The following AATK variants were observed in gnomAD, a reference collection of about 807,000 sequenced individuals.
AATK encodes lemur tail kinase 1, also known as serine/threonine-protein kinase LMTK1.
AATK carries 91 observed loss-of-function variants against 114.3 expected under a neutral mutation model. The ratio of observed to expected loss-of-function variants is 0.80; its 90% CI spans 0.67 to 0.95. AATK has a LOEUF of 0.95. AATK is among the 40% of genes least tolerant of loss of function. The pLI, the probability that AATK is intolerant of heterozygous loss-of-function variation, is 0.00. For synonymous variants in AATK, 1,075 were observed against 916.5 expected (o/e 1.17, Z -3.12); for missense variants, 2,176 against 1,965.2 (o/e 1.11, Z -2.03).
In AATK at chr17:81,123,347, T is replaced by G; in HGVS notation, c.963-4A>C. ...CCAGATGGTCACGCCCAGGGACCTG[T>G]GGGGCGACAGCCGTGAGCCAGGGCT... On this transcript the variant is annotated splice_region_variant and splice_polypyrimidine_tract_variant and intron_variant, in intron 9 of 13. Transcript: ENST00000326724. The G allele has an allele frequency of 7.3e-7, 1 of 1,363,908 alleles. No homozygotes were observed. Among genetic ancestry groups the G allele is most frequent in the East Asian group, 3.1e-5 (1 of 32,434 alleles). 84.5% of individuals were successfully genotyped at this position (1,363,908 alleles called of 1,614,324 possible).
At chr17:81,156,067 T>C (rs2061357680) in intron 1 of AATK, among the ~76,000 whole-genome samples, 1 of 147,912 alleles carries the variant, frequency 6.8e-6, no homozygotes, top group Non-Finnish European at 1.5e-5. Flanking sequence ...TGTTATAATG[T>C]ATGTTACTAT....
At chr17:81,124,905 G>GGGGCCC in intron 8 of AATK, 25 bp downstream of exon 8, 9 of 1,503,130 alleles carry the variant, frequency 6.0e-6, no homozygotes, top group African/African-American at 1.4e-5. Context: ...CTCATGCCCA[G>GGGGCCC]CCCAGCCCAC....
At chr17:81,130,248 G>A (rs2060908701) in intron 3 of AATK, among the ~76,000 whole-genome samples, 1 of 152,216 alleles carries the variant, frequency 6.6e-6, no homozygotes, top group Non-Finnish European at 1.5e-5. Context: ...AGCTGGGGGT[G>A]GGCAGTGATG....
At position 81,122,760 on chromosome 17, in the gene AATK, G is replaced by C; in HGVS notation, c.1176C>G (p.His392Gln). Residue 392 changes from histidine to glutamine, a missense_variant, in exon 11 of 14, where the codon CAC becomes CAG. Around this residue, in one of 4 missense-constraint regions of AATK, gnomAD observed 273 missense variants for 344.1 expected, o/e 0.79. Transcript: ENST00000326724. ...TGGCACACAGGTAGGACAGCAGCAGGTGCACCTCCTCGGCTGTGGGCCGCT... is the reference window on the plus strand; with the variant it reads ...TGGCACACAGGTAGGACAGCAGCAGCTGCACCTCCTCGGCTGTGGGCCGCT... ...PEQRPTAEEVHLLLSYLCAKG... is the reference protein window; with the variant it reads ...PEQRPTAEEVQLLLSYLCAKG... 1 of 1,598,958 alleles carries C rather than the reference G, an allele frequency of 6.3e-7. No individual in the cohort carries two copies.
intron 1 of AATK, among the ~76,000 whole-genome samples, chr17:81,162,180 C>T (rs1440794999): frequency 2.6e-5 from 4 of 152,084 alleles, no homozygotes; most frequent in African/African-American, 4.8e-5. Flanking sequence ...TGCGTGTGAC[C>T]GCTCCCCAAG....
intron 2 of AATK, chr17:81,132,775 C>T (rs11650662): frequency 0.15 from 32,913 of 225,726 alleles, 2,758 homozygotes; most frequent in Middle Eastern, 0.23. Flanking sequence ...GGGAGCCCAG[C>T]GCAGGTCCCC....
chr17:81,142,027 C>T (rs1161262220), intron 1 of AATK, among the ~76,000 whole-genome samples: 2 of 151,678 alleles, frequency 1.3e-5, no homozygotes, highest in East Asian at 1.9e-4. Context: ...ATGATCTCAG[C>T]TCACTGCAAC....
chr17:81,151,448 T>G (rs2061297927), intron 1 of AATK, among the ~76,000 whole-genome samples: 1 of 152,174 alleles, frequency 6.6e-6, no homozygotes, highest in Non-Finnish European at 1.5e-5. Flanking sequence ...TGCACACACT[T>G]GTGGCTCAGA....
In AATK at chr17:81,126,573, G is replaced by A. The variant is rs1355870221; in HGVS notation, c.622-13C>T. 30 of 1,533,026 alleles carry A rather than the reference G, an allele frequency of 2.0e-5. No individual in the cohort carries two copies. The East Asian group carries it at 7.2e-4, about 37-fold the overall frequency. The allele number at this position is 1,533,026 out of a possible 1,614,324, so 95.0% of individuals were successfully genotyped here. On this transcript the variant is annotated splice_polypyrimidine_tract_variant and intron_variant, in intron 6 of 13. Transcript: ENST00000326724. This position sits in a 1 kb window ranked among gnomAD's most constrained non-coding sequence, Gnocchi z 5.1. ...CCTTGAGGTCCCCCTGCAGAAAGGG[G>A]GTGTGGCGCAGTCACCAGCAGGCTG...
In AATK at chr17:81,119,248, G is replaced by A. The variant is rs1009295130; in HGVS notation, c.4084+132C>T. 635 of 884,402 alleles carry A rather than the reference G, an allele frequency of 7.2e-4. 6 individuals are homozygous for A. The highest frequency in any genetic ancestry group is 2.3e-3 in the South Asian group (114 of 49,814). The allele number at this position is 884,402 out of a possible 1,614,324, so 54.8% of individuals were successfully genotyped here. A position where few individuals can be genotyped will look rare whatever the true frequency, so the allele number is the denominator to read the frequency against. On this transcript the variant is annotated intron_variant, in intron 13 of 13. Coordinates refer to ENST00000326724, the MANE Select transcript of AATK (RefSeq NM_001080395.3). ...TAGGTCTGGGGCCGGGAAGGAGCGGGGCCGGGAAGGAGCGGAGCGGAGCGG... is the reference window on the plus strand; with the variant it reads ...TAGGTCTGGGGCCGGGAAGGAGCGGAGCCGGGAAGGAGCGGAGCGGAGCGG...
rs936477461 is a variant in AATK, at chr17:81,123,420, G to A, written c.963-77C>T. 1.4e-5 allele frequency: 18 copies of A among 1,258,474 alleles called. No homozygotes were observed. In the East Asian group the frequency reaches 1.9e-4, roughly 13 times the overall value. The allele number at this position is 1,258,474 out of a possible 1,614,324, so 78.0% of individuals were successfully genotyped here. On this transcript the variant is annotated intron_variant, in intron 9 of 13. Coordinates refer to ENST00000326724, the MANE Select transcript of AATK (RefSeq NM_001080395.3). ...GACCGCGCAGGATCCCCGGGGCGCC[G>A]AATGGGGCAGCTCCCGCCATCACGC...
intron 1 of AATK, among the ~76,000 whole-genome samples, chr17:81,162,047 C>T (rs1163210985): frequency 6.6e-6 from 1 of 152,180 alleles, no homozygotes; most frequent in African/African-American, 2.4e-5. Flanking sequence ...CTCCCTGACC[C>T]ATGCCTGGGA....
At chr17:81,137,166 G>A (rs1343644647) in intron 1 of AATK, among the ~76,000 whole-genome samples, 1 of 151,868 alleles carries the variant, frequency 6.6e-6, no homozygotes, top group East Asian at 1.9e-4. Context: ...GCTGACACAG[G>A]AGAATTGCTC....
chr17:81,165,871 G>A, intron 1 of AATK, 67 bp downstream of exon 1: 1 of 1,545,014 alleles, frequency 6.5e-7, no homozygotes, highest in Non-Finnish European at 8.7e-7. Flanking sequence ...GAGCCGTGGG[G>A]CCCAGGGGCA....
chr17:81,128,469 C>T lies in AATK; in HGVS notation c.414+1G>A. On this transcript the variant is annotated splice_donor_variant, in intron 4 of 13. Transcript: ENST00000326724. LOFTEE classifies it high-confidence loss of function. ...TCCTCCCTCCCAGGCGGGACACGTA[C>T]CTTCCCGAACCAGCCACGGCCGATT... The T allele has an allele frequency of 6.5e-7, 1 of 1,548,904 alleles. No individual in the cohort carries two copies. Among genetic ancestry groups the T allele is most frequent in the Non-Finnish European group, 8.7e-7 (1 of 1,146,862 alleles).
At chr17:81,162,185 C>G in intron 1 of AATK, among the ~76,000 whole-genome samples, 1 of 152,094 alleles carries the variant, frequency 6.6e-6, no homozygotes, top group African/African-American at 2.4e-5. Flanking sequence ...GTGACCGCTC[C>G]CCAAGGCCAC....
At chr17:81,141,615 C>T (rs2061139666) in intron 1 of AATK, among the ~76,000 whole-genome samples, 3 of 152,248 alleles carry the variant, frequency 2.0e-5, no homozygotes, top group Admixed American at 2.0e-4. Context: ...CCTGTGCCTC[C>T]TGGGACACAA....
Position 81,127,720 on chromosome 17 carries a change from G to C in AATK, c.534-50C>G, listed in dbSNP as rs1407436470. 7 of 1,523,808 alleles carry C rather than the reference G, an allele frequency of 4.6e-6. No individual in the cohort carries two copies. In the Admixed American group the frequency reaches 1.2e-4, roughly 26 times the overall value. The allele number at this position is 1,523,808 out of a possible 1,614,324, so 94.4% of individuals were successfully genotyped here. On this transcript the variant is annotated intron_variant, in intron 5 of 13. Transcript: ENST00000326724. ...TGACTTGGGAGGAGGTGGGGAGGGG[G>C]AGTCGGGCCGAGCAGGGGAGGGAGA... is the stretch of plus-strand genomic sequence containing the variant.
chr17:81,122,052 G>A lies in AATK; in HGVS notation c.1884C>T (p.Asp628=). The stretch of plus-strand genomic sequence containing the variant: ...CAGGACAGAAGGCGGCCACGCCCCA[G>A]TCTGCATCCTCCGCTCCTCCCTCCG... The part of the protein sequence containing the change: ...SLAEGGAEDA[D]WGVAAFCPAF... Residue 628 remains aspartate, a synonymous_variant, in exon 11 of 14, where the codon GAC becomes GAT. Coordinates refer to ENST00000326724, the MANE Select transcript of AATK (RefSeq NM_001080395.3). 1 of 1,596,378 alleles carries A rather than the reference G, an allele frequency of 6.3e-7. No individual in the cohort carries two copies. Among genetic ancestry groups the A allele is most frequent in the Non-Finnish European group, 8.5e-7 (1 of 1,178,204 alleles).
Sources: gnomAD v4.1 joint callset for allele counts (sites outside exome capture counted in the v4.1 genomes callset) on GRCh38, gnomAD v4.1.1 for gene constraint, gnomAD v4.1.1 regional missense constraint, Gnocchi (gnomAD v3.1) non-coding constraint, MANE v1.5 for transcripts, NCBI Gene and HGNC (gene_info 2026-07-23, HGNC 2026-07-21) for gene names.